FBXL7: variants seen among roughly 807,000 people sequenced by gnomAD.
The protein encoded by FBXL7 is F-box and leucine rich repeat protein 7.
FBXL7 carries 12 observed loss-of-function variants against 38.3 expected under a neutral mutation model. The observed-to-expected ratio is 0.31, with a 90% CI of 0.20 to 0.51. FBXL7 has a LOEUF of 0.51. Among genes scored for constraint, FBXL7 ranks in the 20% least tolerant of loss-of-function variants. The pLI is 0.98. For synonymous variants in FBXL7, 297 were observed against 300.9 expected, an observed-to-expected ratio of 0.99 and a Z score of 0.13; for missense variants, 567 against 676.4, an observed-to-expected ratio of 0.84 and a Z score of 1.79.
chr5:15,621,419 G>T (rs1740636952), intron 2 of FBXL7, among the ~76,000 whole-genome samples: 1 of 151,966 alleles, frequency 6.6e-6, no homozygotes. Flanking sequence ...ATATTTTTCA[G>T]TCTTTCTCAT....
intron 1 of FBXL7, among the ~76,000 whole-genome samples, chr5:15,539,141 C>T (rs1199352583): frequency 3.3e-5 from 5 of 152,202 alleles, no homozygotes; most frequent in African/African-American, 1.2e-4. Context: ...GCATCCTTCT[C>T]TTGTGAACAA....
chr5:15,597,762 A>G (rs1314705878), intron 1 of FBXL7, among the ~76,000 whole-genome samples: 1 of 152,220 alleles, frequency 6.6e-6, no homozygotes, highest in Non-Finnish European at 1.5e-5. Context: ...TTGGGAAAAG[A>G]ATTCTCAGGA....
chr5:15,869,452 G>A (rs74495731), intron 2 of FBXL7, among the ~76,000 whole-genome samples: 2 of 152,146 alleles, frequency 1.3e-5, no homozygotes, highest in East Asian at 1.9e-4. Flanking sequence ...AATTATCAGG[G>A]GCACTTCTTT....
At chr5:15,562,256 AACAGTGAGGTT>A (rs746286524) in intron 1 of FBXL7, among the ~76,000 whole-genome samples, 2 of 152,190 alleles carry the variant, frequency 1.3e-5, no homozygotes, top group African/African-American at 2.4e-5. Context: ...AGGAAGAATA[AACAGTGAGGTT>A]ACATCAAACT....
intron 2 of FBXL7, among the ~76,000 whole-genome samples, chr5:15,625,518 G>A (rs1016689680): frequency 6.6e-6 from 1 of 152,130 alleles, no homozygotes; most frequent in African/African-American, 2.4e-5. Flanking sequence ...GCTGAGTGTA[G>A]TGGCATGCAT....
In FBXL7 at chr5:15,939,727, C is replaced by T. The variant is rs1471876006; in HGVS notation, c.*2541C>T. The T allele has an allele frequency of 1.3e-5, 2 of 152,584 alleles. No individual in the cohort carries two copies. The highest frequency in any genetic ancestry group is 4.8e-5 in the African/African-American group (2 of 41,418). The allele number at this position is 152,584 out of a possible 1,614,324, so 9.5% of individuals were successfully genotyped here. ...TGTTTTTTAATTCTAATGTTCAAAT[C>T]ACTGCGTGCTGTATGAATCTAGAAA... On this transcript the variant is annotated 3_prime_UTR_variant, in exon 4 of 4. Coordinates refer to ENST00000504595, the MANE Select transcript of FBXL7 (RefSeq NM_012304.5).
At chr5:15,791,188 G>T (rs1737268445) in intron 2 of FBXL7, among the ~76,000 whole-genome samples, 1 of 152,052 alleles carries the variant, frequency 6.6e-6, no homozygotes, top group Non-Finnish European at 1.5e-5. Context: ...TTAAACCTGA[G>T]CACAGTGTCA....
intron 2 of FBXL7, among the ~76,000 whole-genome samples, chr5:15,771,045 T>C (rs531703510): frequency 6.6e-6 from 1 of 152,324 alleles, no homozygotes; most frequent in South Asian, 2.1e-4. Context: ...CCCATCCTCC[T>C]GTTAGAGTTA....
intron 2 of FBXL7, among the ~76,000 whole-genome samples, chr5:15,845,461 C>A (rs1222389776): frequency 6.6e-6 from 1 of 152,018 alleles, no homozygotes; most frequent in South Asian, 2.1e-4. Flanking sequence ...CCTCCTCTTA[C>A]AAGCTGAGAA....
chr5:15,899,747 A>C (rs73752375), intron 2 of FBXL7, among the ~76,000 whole-genome samples: 1 of 152,194 alleles, frequency 6.6e-6, no homozygotes, highest in Non-Finnish European at 1.5e-5. Flanking sequence ...ATCATTAATG[A>C]GAAGAAAAAA....
At chr5:15,714,122 C>G (rs1315504238) in intron 2 of FBXL7, among the ~76,000 whole-genome samples, 1 of 152,084 alleles carries the variant, frequency 6.6e-6, no homozygotes, top group Non-Finnish European at 1.5e-5. Context: ...GGAAGTGTGT[C>G]CTGGCCTAAA....
chr5:15,589,284 A>G (rs576329260), intron 1 of FBXL7, among the ~76,000 whole-genome samples: 5 of 152,070 alleles, frequency 3.3e-5, no homozygotes, highest in South Asian at 2.1e-4. Flanking sequence ...GTAATCCCCA[A>G]TGTTGGAGGA....
intron 1 of FBXL7, among the ~76,000 whole-genome samples, chr5:15,608,761 C>T (rs574447671): frequency 4.6e-5 from 7 of 152,256 alleles, no homozygotes; most frequent in East Asian, 3.9e-4. Context: ...CCCACAGATT[C>T]GAGACTTGCC....
intron 2 of FBXL7, among the ~76,000 whole-genome samples, chr5:15,695,762 C>T (rs892705944): frequency 6.6e-6 from 1 of 152,104 alleles, no homozygotes; most frequent in African/African-American, 2.4e-5. Flanking sequence ...GATTATCATA[C>T]AACACATGAA....
chr5:15,882,585 G>C (rs1375151810), intron 2 of FBXL7, among the ~76,000 whole-genome samples: 3 of 152,162 alleles, frequency 2.0e-5, no homozygotes, highest in Non-Finnish European at 4.4e-5. Flanking sequence ...TAACATTTCA[G>C]ACCTGACAGA....
chr5:15,626,011 T>A (rs1740805062), intron 2 of FBXL7, among the ~76,000 whole-genome samples: 2 of 152,144 alleles, frequency 1.3e-5, no homozygotes, highest in South Asian at 4.1e-4. Context: ...AAATGTGGTA[T>A]TAGGAGCTTT....
At chr5:15,682,905 A>G (rs956819290) in intron 2 of FBXL7, among the ~76,000 whole-genome samples, 1 of 152,236 alleles carries the variant, frequency 6.6e-6, no homozygotes, top group Admixed American at 6.5e-5. Context: ...CGAAGATGAC[A>G]GTAAAAAAGT....
chr5:15,648,394 A>G (rs984940232), intron 2 of FBXL7, among the ~76,000 whole-genome samples: 1 of 152,232 alleles, frequency 6.6e-6, no homozygotes, highest in African/African-American at 2.4e-5. Context: ...ACAGAAAATG[A>G]AAGAGACTGA....
chr5:15,538,684 C>T (rs541971341), intron 1 of FBXL7, among the ~76,000 whole-genome samples: 2 of 152,290 alleles, frequency 1.3e-5, no homozygotes, highest in African/African-American at 4.8e-5. Context: ...CCTGGCAGAG[C>T]CTTCTATTTA....
Sources: allele counts gnomAD v4.1 joint callset (sites outside exome capture counted in the v4.1 genomes callset), GRCh38; gene constraint gnomAD v4.1.1; transcripts MANE v1.5; gene names NCBI Gene and HGNC (gene_info 2026-07-23, HGNC 2026-07-21).